Variants in EGF observed in about 807,000 individuals in gnomAD.
EGF encodes epidermal growth factor.
A neutral mutation model predicts 143.8 loss-of-function variants in EGF; 95 were observed. The ratio of observed to expected loss-of-function variants is 0.66; its 90% confidence interval spans 0.56 to 0.78. The LOEUF (loss-of-function observed/expected upper bound fraction) is 0.78. Ranked by LOEUF, EGF falls within the 30% of genes least tolerant of loss-of-function variation. EGF has a pLI of 0.00. For synonymous variants in EGF, 510 were observed against 510.5 expected, an observed-to-expected ratio of 1.00 and a Z score of 0.01; for missense variants, 1,320 against 1,470.9, an observed-to-expected ratio of 0.90 and a Z score of 1.68.
At position 109,945,102 on chromosome 4, in the gene EGF, G is replaced by A; in HGVS notation, c.767G>A (p.Gly256Asp). ...AATTTGTTTGCAATGTCCCTTTTTG[G>A]TGACCGTATCTTCTATTCAACATGG... ...QHNLFAMSLF[G>D]DRIFYSTWKM... The change falls in exon 5 of 24, where the codon GGT becomes GAT. Residue 256 changes from glycine (G) to aspartate (D), a missense_variant. Physicochemically the swap from Gly to Asp is moderately conservative, Grantham distance 94 (BLOSUM62 -1). This residue lies in a region of EGF where 1,186 missense variants were observed against 1,313.7 expected (regional missense o/e 0.90). Transcript: ENST00000265171. 6.2e-7 allele frequency: 1 copy of A among 1,614,022 alleles called. No homozygotes were observed. Among genetic ancestry groups the A allele is most frequent in the Non-Finnish European group, 8.5e-7 (1 of 1,180,006 alleles).
chr4:109,930,476 C>T (rs979759771), intron 1 of EGF, among the ~76,000 whole-genome samples: 1 of 152,144 alleles, frequency 6.6e-6, no homozygotes. Context: ...TTTTGAGGTC[C>T]AGAAGCTCCC....
intron 10 of EGF, among the ~76,000 whole-genome samples, chr4:109,966,260 T>C (rs1244195611): frequency 6.6e-6 from 1 of 152,110 alleles, no homozygotes; most frequent in Non-Finnish European, 1.5e-5. Context: ...TGTCCATGTG[T>C]ACCCATTGTT....
intron 8 of EGF, 59 bp downstream of exon 8, chr4:109,962,044 A>T: frequency 1.2e-6 from 2 of 1,608,184 alleles, no homozygotes; most frequent in Non-Finnish European, 1.7e-6. Context: ...TTGCTCAGTG[A>T]CATCTAAAAA....
intron 18 of EGF, among the ~76,000 whole-genome samples, chr4:109,990,877 T>A (rs572522419): frequency 1.3e-5 from 2 of 152,314 alleles, no homozygotes; most frequent in South Asian, 4.1e-4. Flanking sequence ...GCTATTGGAT[T>A]AGGACCCCAC....
rs772189572 is a variant in EGF at position 110,004,215 on chromosome 4, T to TACACACACACACACACACACACACAC, written c.3174-278_3174-253dup. On this transcript the variant is annotated intron_variant, in intron 21 of 23. Coordinates refer to ENST00000265171, the MANE Select transcript of EGF (RefSeq NM_001963.6). ...TCCCCCCAACATACATGGGCATACA[T>TACACACACACACACACACACACACAC]ACACACACACACACACACACACACA... The TACACACACACACACACACACACACAC allele has an allele frequency of 1.1e-5, 4 of 357,024 alleles. No individual in the cohort carries two copies. In the East Asian group the frequency reaches 1.9e-4, roughly 17 times the overall value. The allele number at this position is 357,024 out of a possible 1,614,324, so 22.1% of individuals were successfully genotyped here.
In EGF at chr4:109,993,290, T is replaced by C. The variant is rs1321438160; in HGVS notation, c.2778T>C (p.Asn926=). The C allele has an allele frequency of 6.2e-7, 1 of 1,613,730 alleles. No individual in the cohort carries two copies. Among genetic ancestry groups the C allele is most frequent in the Non-Finnish European group, 8.5e-7 (1 of 1,179,918 alleles). ...CQLGEHSCGE[N]ASCTNTEGGY... ...TGGGGGAGCACAGCTGTGGAGAGAA[T>C]GCCAGCTGCACAAATACAGAGGGAG... Residue 926 remains asparagine (N), a synonymous_variant, in exon 19 of 24, where the codon AAT becomes AAC. Transcript: ENST00000265171.
At chr4:109,959,528 C>T in intron 6 of EGF, 91 bp downstream of exon 6, 1 of 1,602,782 alleles carries the variant, frequency 6.2e-7, no homozygotes, top group South Asian at 1.1e-5. Context: ...CTTCAGTGGG[C>T]CAGCCAGAGA....
intron 21 of EGF, 25 bp from the exon 22 acceptor site, chr4:110,004,480 G>A (rs766748654): frequency 5.0e-6 from 8 of 1,602,960 alleles, no homozygotes; most frequent in Admixed American, 1.7e-5. Flanking sequence ...TTGTGAGATT[G>A]TCTCAAATTT....
intron 20 of EGF, among the ~76,000 whole-genome samples, chr4:109,995,270 TTC>T (rs1751609260): frequency 6.6e-6 from 1 of 152,246 alleles, no homozygotes; most frequent in African/African-American, 2.4e-5. Flanking sequence ...CGTGATCTGT[TTC>T]TGGATTTACA....
rs148725450 is a variant in EGF at position 109,970,742 on chromosome 4, G to A, written c.1724+1623G>A. On this transcript the variant is annotated intron_variant, in intron 11 of 23. Coordinates refer to ENST00000265171, the MANE Select transcript of EGF (RefSeq NM_001963.6). ...CAGGAGGCTGAGGCAGGAGAATGGC[G>A]TGAACCTGGAAGGCGGAGCTTGCAG... is the stretch of plus-strand genomic sequence containing the variant. Among the ~76,000 whole-genome samples, 213 of 149,702 alleles carry A rather than the reference G, an allele frequency of 1.4e-3. 1 individual carries two copies. The highest frequency in any genetic ancestry group is 7.0e-3 in the Middle Eastern group (2 of 284).
At chr4:109,967,835 A>G (rs1746853187) in intron 10 of EGF, among the ~76,000 whole-genome samples, 2 of 152,212 alleles carry the variant, frequency 1.3e-5, no homozygotes, top group Admixed American at 6.5e-5. Context: ...TACTGTAAGC[A>G]GTATTGTAAC....
At chr4:109,997,402 C>A (rs561907507) in intron 20 of EGF, among the ~76,000 whole-genome samples, 1 of 152,292 alleles carries the variant, frequency 6.6e-6, no homozygotes, top group South Asian at 2.1e-4. Flanking sequence ...TACCACAACA[C>A]ATTAAAAAGT....
intron 14 of EGF, among the ~76,000 whole-genome samples, chr4:109,980,390 T>A (rs998411249): frequency 1.3e-5 from 2 of 152,192 alleles, no homozygotes; most frequent in Non-Finnish European, 2.9e-5. Context: ...TCGAAGAGCC[T>A]TGGGTTAAGG....
chr4:109,926,786 C>T (rs548309612), intron 1 of EGF, among the ~76,000 whole-genome samples: 4 of 152,182 alleles, frequency 2.6e-5, no homozygotes, highest in African/African-American at 4.8e-5. Context: ...AACAACAAAA[C>T]TTTATCCAAG....
At chr4:109,992,170 TAAAAAAAAAA>T (rs58841408) in intron 18 of EGF, among the ~76,000 whole-genome samples, 1,388 of 65,694 alleles carry the variant, frequency 0.021, 52 homozygotes, top group African/African-American at 0.088. Context: ...CAAGATTCTT[TAAAAAAAAAA>T]AAAAAAAAAA....
chr4:110,004,749 G>T, intron 22 of EGF, 127 bp downstream of exon 22: 1 of 420,126 alleles, frequency 2.4e-6, no homozygotes, highest in Non-Finnish European at 4.4e-6. Context: ...GTCAGTGTTA[G>T]CCAAGACCAC....
chr4:109,990,382 A>G (rs563566221), intron 18 of EGF, among the ~76,000 whole-genome samples: 4 of 152,188 alleles, frequency 2.6e-5, no homozygotes, highest in Non-Finnish European at 5.9e-5. Context: ...TGTTTGAGGT[A>G]TTGGGAAAGA....
intron 15 of EGF, 113 bp downstream of exon 15, chr4:109,981,088 T>G (rs952240248): frequency 6.8e-7 from 1 of 1,470,870 alleles, no homozygotes; most frequent in East Asian, 2.3e-5. Flanking sequence ...AAAGTTCTCC[T>G]GTTTTTAGGA....
intron 13 of EGF, among the ~76,000 whole-genome samples, chr4:109,978,395 G>A (rs780102783): frequency 2.1e-4 from 32 of 152,174 alleles, no homozygotes; most frequent in Admixed American, 5.2e-4. Context: ...CTAGTGTGAG[G>A]TATTTGTTTA....
Sources: gnomAD v4.1 joint callset for allele counts (sites outside exome capture counted in the v4.1 genomes callset) on GRCh38, gnomAD v4.1.1 for gene constraint, gnomAD v4.1.1 regional missense constraint, MANE v1.5 for transcripts, NCBI Gene and HGNC (gene_info 2026-07-23, HGNC 2026-07-21) for gene names.